MDN1: variants seen among roughly 807,000 people sequenced by gnomAD.
MDN1 encodes the protein midasin AAA ATPase 1.
In MDN1, 266 loss-of-function variants were observed where a neutral mutation model predicts 669.2. That is an observed-to-expected ratio of 0.40 (90% CI 0.36 to 0.44). The LOEUF is 0.44. Among genes scored for constraint, MDN1 ranks in the 20% least tolerant of loss-of-function variants. MDN1 has a pLI of 1.00. For missense variants in MDN1, 5,940 were observed against 6,754.0 expected, an observed-to-expected ratio of 0.88 and a Z score of 4.22; for synonymous variants, 2,385 against 2,457.1, an observed-to-expected ratio of 0.97 and a Z score of 0.87.
At position 89,798,181 on chromosome 6, in the gene MDN1, CAAAAAAAAAAAAAAAA is replaced by C. The variant is rs10706907; in HGVS notation, c.330-3396_330-3381del. Among the ~76,000 whole-genome samples, 19 of 71,526 alleles carry C rather than the reference CAAAAAAAAAAAAAAAA, an allele frequency of 2.7e-4. No homozygotes were observed. In the South Asian group the frequency reaches 9.7e-3, roughly 37 times the overall value. 46.9% of individuals were successfully genotyped at this position (71,526 alleles called of 152,430 possible). ...TGGGCGACAGAGCGAGACTCTGTCT[CAAAAAAAAAAAAAAAA>C]AAAAAGAAAGAAAGTCAAGTTAAAA... On this transcript the variant is annotated intron_variant, in intron 2 of 101. Coordinates refer to ENST00000369393, the MANE Select transcript of MDN1 (RefSeq NM_014611.3).
rs562023471 is a variant in MDN1 at position 89,779,856 on chromosome 6, A to T, written c.1725+356T>A. 3.3e-5 allele frequency among the ~76,000 whole-genome samples: 5 copies of T among 152,292 alleles called. No homozygotes were observed. In the South Asian group the frequency reaches 1.0e-3, roughly 32 times the overall value. On this transcript the variant is annotated intron_variant, in intron 11 of 101. Transcript: ENST00000369393. ...CGACGTGGGTGGATCACTTGAGGTC[A>T]GGAGATCGAGACCAGCCTGGCCAAC...
chr6:89,686,801 C>T (rs1812039431), intron 69 of MDN1, 101 bp downstream of exon 69: 3 of 1,470,742 alleles, frequency 2.0e-6, no homozygotes, highest in Admixed American at 2.1e-5. Flanking sequence ...CCATGAAAGC[C>T]ATGTAGCGGG....
At position 89,819,755 on chromosome 6, in the gene MDN1, G is replaced by A. The variant is rs961307299; in HGVS notation, c.-148C>T. The A allele has an allele frequency of 3.6e-5, 23 of 646,554 alleles. No individual in the cohort carries two copies. The highest frequency in any genetic ancestry group is 5.2e-5 in the Non-Finnish European group (19 of 365,338). The allele number at this position is 646,554 out of a possible 1,614,324, so 40.1% of individuals were successfully genotyped here. On this transcript the variant is annotated 5_prime_UTR_variant, in exon 1 of 102. Transcript: ENST00000369393. The stretch of plus-strand genomic sequence containing the variant: ...GCTCCAGCGCCTACACCGGGAGAGG[G>A]GCACCACACGTGGGTGAGCACACGG...
intron 101 of MDN1, among the ~76,000 whole-genome samples, chr6:89,644,492 C>T (rs944070450): frequency 2.2e-4 from 34 of 152,194 alleles, no homozygotes; most frequent in Non-Finnish European, 4.1e-4. Flanking sequence ...ATCATTCACA[C>T]TAAATCTTTA....
chr6:89,743,465 G>A (rs1816401127), intron 30 of MDN1, 111 bp downstream of exon 30: 1 of 1,366,332 alleles, frequency 7.3e-7, no homozygotes, highest in Admixed American at 2.1e-5. Context: ...AAAATCTGCA[G>A]ATATGCACAT....
intron 90 of MDN1, 56 bp from the exon 91 acceptor site, chr6:89,656,857 G>T (rs1809343156): frequency 3.5e-6 from 5 of 1,434,752 alleles, no homozygotes; most frequent in Non-Finnish European, 4.9e-6. Flanking sequence ...CAAGTCCCTG[G>T]TTACTGTGCT....
At chr6:89,743,113 A>G in intron 31 of MDN1, 37 bp downstream of exon 31, 2 of 1,599,924 alleles carry the variant, frequency 1.3e-6, no homozygotes, top group African/African-American at 2.7e-5. Context: ...ACACCAACAA[A>G]AATATCAAAC....
intron 1 of MDN1, chr6:89,814,781 T>C: frequency 2.3e-6 from 1 of 433,088 alleles, no homozygotes. Flanking sequence ...GGTTAGCCAT[T>C]GGGAGATCTC....
chr6:89,774,830 C>T, intron 12 of MDN1, 97 bp from the exon 13 acceptor site: 2 of 763,494 alleles, frequency 2.6e-6, no homozygotes, highest in Non-Finnish European at 4.5e-6. Context: ...TAGCACTCTA[C>T]AAAGAATTAT....
intron 73 of MDN1, 81 bp downstream of exon 73, chr6:89,683,051 C>G (rs1811752316): frequency 9.3e-6 from 13 of 1,398,250 alleles, no homozygotes; most frequent in Non-Finnish European, 1.2e-5. Flanking sequence ...TTGTCTAGTA[C>G]TGAGGCATGC....
chr6:89,769,162 C>T (rs982296100), intron 15 of MDN1, among the ~76,000 whole-genome samples: 7 of 152,120 alleles, frequency 4.6e-5, no homozygotes, highest in Non-Finnish European at 1.0e-4. Flanking sequence ...ACCAGCAACA[C>T]GGCCTGAGGA....
intron 46 of MDN1, among the ~76,000 whole-genome samples, chr6:89,713,824 G>A (rs1333332179): frequency 3.9e-5 from 6 of 151,922 alleles, no homozygotes; most frequent in East Asian, 1.9e-4. Flanking sequence ...CTAGGTGGGC[G>A]GATCACGAGG....
chr6:89,750,633 C>T, intron 23 of MDN1, 101 bp from the exon 24 acceptor site: 3 of 1,174,988 alleles, frequency 2.6e-6, no homozygotes, highest in African/African-American at 1.5e-5. Flanking sequence ...CAAAGGGTTT[C>T]ACTCTGTTGC....
At position 89,678,753 on chromosome 6, in the gene MDN1, G is replaced by C; in HGVS notation, c.12266-8C>G. On this transcript the variant is annotated splice_region_variant and splice_polypyrimidine_tract_variant and intron_variant, in intron 74 of 101. Transcript: ENST00000369393. ...CAGAGGAAATCACTTCACCTGTAAG[G>C]GAAAACAAGGCGGGGAGGGGAGACA... 6.2e-7 allele frequency: 1 copy of C among 1,606,942 alleles called. No individual in the cohort carries two copies. The highest frequency in any genetic ancestry group is 8.5e-7 in the Non-Finnish European group (1 of 1,176,258).
At chr6:89,725,495 T>C (rs1157023487) in intron 37 of MDN1, 99 bp from the exon 38 acceptor site, 1 of 1,031,982 alleles carries the variant, frequency 9.7e-7, no homozygotes, top group Non-Finnish European at 1.4e-6. Flanking sequence ...TAGAGTTATC[T>C]TCAGAAAGGG....
chr6:89,700,721 A>G lies in MDN1; in HGVS notation c.8563T>C (p.Trp2855Arg), dbSNP rs1355983960. The change falls in exon 56 of 102, where the codon TGG becomes CGG. Residue 2855 changes from tryptophan to arginine, a missense_variant. Physicochemically the swap from Trp to Arg is moderately radical, Grantham distance 101. Around this residue, in one of 5 missense-constraint regions of MDN1, gnomAD observed 2,292 missense variants for 2,638.3 expected, o/e 0.87. Coordinates refer to ENST00000369393, the MANE Select transcript of MDN1 (RefSeq NM_014611.3). ...TGCAGGAGACTTTTCTTTAATGTCC[A>G]CTGAGAAGCAACCACTTGGAGACGG... ...INRLQVVASQ[W>R]TLKKSLLQAW... 1 of 1,614,086 alleles carries G rather than the reference A, an allele frequency of 6.2e-7. No homozygotes were observed. The highest frequency in any genetic ancestry group is 1.3e-5 in the African/African-American group (1 of 74,922).
chr6:89,689,060 C>A (rs191928512), intron 65 of MDN1, among the ~76,000 whole-genome samples: 1 of 152,166 alleles, frequency 6.6e-6, no homozygotes, highest in East Asian at 1.9e-4. Flanking sequence ...CAGCTTCTTG[C>A]GGGCCTGAGG....
chr6:89,651,625 A>C (rs1424520570), intron 95 of MDN1, among the ~76,000 whole-genome samples: 1 of 152,152 alleles, frequency 6.6e-6, no homozygotes, highest in Non-Finnish European at 1.5e-5. Context: ...CAAAAAAATG[A>C]AAAAAAGTAA....
chr6:89,812,967 T>C lies in MDN1; in HGVS notation c.102+6539A>G, dbSNP rs370488009. 2.7e-5 allele frequency among the ~76,000 whole-genome samples: 4 copies of C among 148,984 alleles called. No homozygotes were observed. In the East Asian group the frequency reaches 8.0e-4, roughly 30 times the overall value. On this transcript the variant is annotated intron_variant, in intron 1 of 101. Coordinates refer to ENST00000369393, the MANE Select transcript of MDN1 (RefSeq NM_014611.3). The stretch of plus-strand genomic sequence containing the variant: ...ATTTTTTTTTTTTTTTGAGACGGAG[T>C]TTCATTGTTGTTGCCCAGGCTGGAG...
Sources: allele counts gnomAD v4.1 joint callset (sites outside exome capture counted in the v4.1 genomes callset), GRCh38; gene constraint gnomAD v4.1.1; regional missense constraint gnomAD v4.1.1; transcripts MANE v1.5; gene names NCBI Gene and HGNC (gene_info 2026-07-23, HGNC 2026-07-21).